LGR4: variants seen among roughly 807,000 people sequenced by gnomAD.
LGR4 encodes the protein leucine-rich repeat-containing G protein-coupled receptor 4.
A neutral mutation model predicts 84.8 loss-of-function variants in LGR4; 44 were observed. The ratio of observed to expected loss-of-function variants is 0.52; its 90% CI spans 0.41 to 0.67. The LOEUF (loss-of-function observed/expected upper bound fraction) is 0.67. Among genes scored for constraint, LGR4 ranks in the 30% least tolerant of loss-of-function variants. The probability of loss-of-function intolerance (pLI) is 0.00; values close to 1 mark genes in which losing one functional copy is unlikely to be tolerated. For missense variants in LGR4, 1,032 were observed against 1,131.4 expected (o/e 0.91, Z 1.26); for synonymous variants, 429 against 434.3 (o/e 0.99, Z 0.15).
chr11:27,446,062 A>G (rs1341076473), intron 1 of LGR4, among the ~76,000 whole-genome samples: 3 of 152,216 alleles, frequency 2.0e-5, no homozygotes, highest in African/African-American at 2.4e-5. Flanking sequence ...AAATATAACC[A>G]AGGGAAGAAC....
intron 1 of LGR4, among the ~76,000 whole-genome samples, chr11:27,466,720 T>C (rs1375535986): frequency 6.6e-6 from 1 of 152,204 alleles, no homozygotes; most frequent in African/African-American, 2.4e-5. Context: ...CTGGAAATTA[T>C]AAAACATTAT....
chr11:27,461,836 A>ATTTTTTTTTTTTTTTTTTTTTTTTTTTTT, intron 1 of LGR4, among the ~76,000 whole-genome samples: 1 of 76,558 alleles, frequency 1.3e-5, no homozygotes, highest in Non-Finnish European at 2.3e-5. Context: ...TTGAGTTAGG[A>ATTTTTTTTTTTTTTTTTTTTTTTTTTTTT]TTTTTTTTTT....
At chr11:27,465,184 T>A (rs1206245884) in intron 1 of LGR4, among the ~76,000 whole-genome samples, 1 of 152,238 alleles carries the variant, frequency 6.6e-6, no homozygotes, top group Non-Finnish European at 1.5e-5. Context: ...TATGCTTATA[T>A]TCTTATGAAC....
intron 4 of LGR4, among the ~76,000 whole-genome samples, chr11:27,389,357 T>C (rs949850991): frequency 2.0e-5 from 3 of 152,094 alleles, no homozygotes; most frequent in African/African-American, 7.2e-5. Flanking sequence ...CTCATCCCAA[T>C]TTTGGAGATA....
intron 4 of LGR4, among the ~76,000 whole-genome samples, chr11:27,388,622 T>C (rs372832185): frequency 6.6e-6 from 1 of 152,152 alleles, no homozygotes; most frequent in Non-Finnish European, 1.5e-5. Context: ...CTGAAACTCA[T>C]GTATTTTTAA....
intron 1 of LGR4, among the ~76,000 whole-genome samples, chr11:27,453,798 T>G (rs1864526252): frequency 6.6e-6 from 1 of 152,188 alleles, no homozygotes; most frequent in Non-Finnish European, 1.5e-5. Context: ...AAACCAAAAA[T>G]AAAATTCTAA....
intron 1 of LGR4, among the ~76,000 whole-genome samples, chr11:27,432,232 A>G (rs1242482407): frequency 6.6e-6 from 1 of 152,216 alleles, no homozygotes; most frequent in Non-Finnish European, 1.5e-5. Context: ...TTCCTACTGT[A>G]CGCTAGCAGC....
At chr11:27,401,381 T>C (rs1863500376) in intron 2 of LGR4, among the ~76,000 whole-genome samples, 4 of 152,306 alleles carry the variant, frequency 2.6e-5, no homozygotes, top group South Asian at 4.1e-4. Context: ...GAATACTTTA[T>C]TTTAGAGGTA....
chr11:27,384,918 A>G (rs1863159145), intron 5 of LGR4, among the ~76,000 whole-genome samples: 1 of 152,176 alleles, frequency 6.6e-6, no homozygotes. Flanking sequence ...CCCTGGGACT[A>G]ACTTCTATGG....
intron 1 of LGR4, among the ~76,000 whole-genome samples, chr11:27,464,464 G>A (rs1864740713): frequency 6.6e-6 from 1 of 152,168 alleles, no homozygotes; most frequent in Non-Finnish European, 1.5e-5. Flanking sequence ...CTTGAAGAGA[G>A]TGCGAATTAT....
chr11:27,440,343 G>C (rs745413454), intron 1 of LGR4, among the ~76,000 whole-genome samples: 1 of 152,240 alleles, frequency 6.6e-6, no homozygotes, highest in African/African-American at 2.4e-5. Context: ...AACCCAGACC[G>C]CAGTCTGTGA....
intron 1 of LGR4, among the ~76,000 whole-genome samples, chr11:27,437,819 T>C (rs956923548): frequency 2.0e-5 from 3 of 151,828 alleles, no homozygotes; most frequent in Admixed American, 1.3e-4. Context: ...CTGGGTAACA[T>C]AGTGAGATTC....
At chr11:27,453,688 C>T (rs545264114) in intron 1 of LGR4, among the ~76,000 whole-genome samples, 1 of 152,306 alleles carries the variant, frequency 6.6e-6, no homozygotes, top group East Asian at 1.9e-4. Flanking sequence ...ACACATCAGA[C>T]ACTTAATAAA....
chr11:27,448,271 T>G (rs1864425119), intron 1 of LGR4, among the ~76,000 whole-genome samples: 1 of 151,264 alleles, frequency 6.6e-6, no homozygotes, highest in Admixed American at 6.7e-5. Context: ...CATCCAGAGT[T>G]TCAGTTGTTC....
At chr11:27,384,293 T>A (rs766159631) in intron 6 of LGR4, 43 bp downstream of exon 6, 1 of 1,272,578 alleles carries the variant, frequency 7.9e-7, no homozygotes, top group South Asian at 1.3e-5. Context: ...AAATTATACT[T>A]TCAATATCAC....
intron 1 of LGR4, among the ~76,000 whole-genome samples, chr11:27,470,891 T>C (rs1864858598): frequency 1.3e-5 from 2 of 151,988 alleles, no homozygotes; most frequent in South Asian, 4.2e-4. Context: ...ACCACCCACC[T>C]GGAAATACAG....
intron 1 of LGR4, among the ~76,000 whole-genome samples, chr11:27,461,415 TA>T (rs1565101234): frequency 6.6e-6 from 1 of 151,916 alleles, no homozygotes; most frequent in Non-Finnish European, 1.5e-5. Flanking sequence ...TCAAAATACT[TA>T]AAAAGTTCAT....
chr11:27,411,491 A>T (rs1465893580), intron 2 of LGR4, among the ~76,000 whole-genome samples: 1 of 151,996 alleles, frequency 6.6e-6, no homozygotes, highest in African/African-American at 2.4e-5. Context: ...ATGCACTTTG[A>T]AAATAGTAAA....
chr11:27,422,360 C>T (rs1322169049), intron 1 of LGR4, among the ~76,000 whole-genome samples: 4 of 152,130 alleles, frequency 2.6e-5, no homozygotes, highest in East Asian at 1.9e-4. Flanking sequence ...TGCACGCCCA[C>T]GAAAACTTCT....
Sources: gnomAD v4.1 joint callset for allele counts (sites outside exome capture counted in the v4.1 genomes callset) on GRCh38, gnomAD v4.1.1 for gene constraint, MANE v1.5 for transcripts, NCBI Gene and HGNC (gene_info 2026-07-23, HGNC 2026-07-21) for gene names.